Variants in PMM2 observed in about 807,000 individuals in gnomAD.
PMM2 encodes the protein phosphomannomutase 2.
Under a neutral mutation model 33.2 loss-of-function variants are expected in PMM2, and 35 were observed. The ratio of observed to expected loss-of-function variants is 1.06; its 90% CI spans 0.81 to 1.40. The LOEUF is 1.40. PMM2 is among the 40% of genes most tolerant of loss of function. The probability of loss-of-function intolerance (pLI) is 0.00; values close to 1 mark genes in which losing one functional copy is unlikely to be tolerated. For missense variants in PMM2, 386 were observed against 306.0 expected (o/e 1.26, Z -1.95); for synonymous variants, 153 against 114.7 (o/e 1.33, Z -2.13).
rs368411035 is a variant in PMM2 at position 8,847,854 on chromosome 16, C to T, written c.*29C>T. The T allele has an allele frequency of 2.6e-6, 4 of 1,549,624 alleles. No individual in the cohort carries two copies. In the East Asian group the frequency reaches 9.0e-5, roughly 35 times the overall value. ...GGGAGCGGGAGGGGCGGGGTCCCGG[C>T]TGACAAGCCAGCATAGGGCATTCGG... On this transcript the variant is annotated 3_prime_UTR_variant, in exon 8 of 8. Transcript: ENST00000268261.
At chr16:8,843,642 C>G (rs1474977715) in intron 7 of PMM2, among the ~76,000 whole-genome samples, 2 of 152,100 alleles carry the variant, frequency 1.3e-5, no homozygotes, top group Non-Finnish European at 2.9e-5. Flanking sequence ...GGGTTTGTCT[C>G]ACAGTGGAGG....
Position 8,802,174 on chromosome 16 carries a change from C to A in PMM2, c.178+264C>A. ...AGTGGCTGTATCTGCACATGATAAT[C>A]TCTCTGCCTGGAATACTTCTTGCTT... On this transcript the variant is annotated intron_variant, in intron 2 of 7. Transcript: ENST00000268261. The A allele has an allele frequency of 8.2e-6, 4 of 485,564 alleles. 1 individual carries two copies. Among genetic ancestry groups the A allele is most frequent in the South Asian group, 6.2e-5 (4 of 64,804 alleles). 30.1% of individuals were successfully genotyped at this position (485,564 alleles called of 1,614,324 possible).
At chr16:8,844,937 G>A (rs11861640) in intron 7 of PMM2, among the ~76,000 whole-genome samples, 22,607 of 152,194 alleles carry the variant, frequency 0.15, 1,747 homozygotes, top group East Asian at 0.24. Context: ...ACCTGAGGTC[G>A]TAGGTGGATC....
At chr16:8,798,913 A>G (rs1241641069) in intron 1 of PMM2, among the ~76,000 whole-genome samples, 1 of 152,144 alleles carries the variant, frequency 6.6e-6, no homozygotes, top group Non-Finnish European at 1.5e-5. Context: ...TAGACGTATC[A>G]TTTTGCCCTT....
Position 8,847,821 on chromosome 16 carries a change from C to A in PMM2, c.737C>A (p.Ser246Tyr), listed in dbSNP as rs769177253. 1.2e-6 allele frequency: 2 copies of A among 1,611,744 alleles called. No individual in the cohort carries two copies. Among genetic ancestry groups the A allele is most frequent in the Admixed American group, 3.3e-5 (2 of 60,032 alleles). The change falls in exon 8 of 8, where the codon TCC becomes TAC. Residue 246 changes from serine to tyrosine, a missense_variant. Transcript: ENST00000268261. ...CGCAGGATCTGTGAACTGCTGTTCT[C>A]CTAACGTGGGAGCGGGAGGGGCGGG... is the stretch of plus-strand genomic sequence containing the variant. ...DTRRICELLF[S>Y] is the part of the protein sequence containing the mutation.
intron 7 of PMM2, among the ~76,000 whole-genome samples, chr16:8,844,144 T>C (rs991744584): frequency 2.6e-5 from 4 of 152,128 alleles, no homozygotes; most frequent in Non-Finnish European, 5.9e-5. Context: ...TACTGTCGAG[T>C]TTGTATTGGG....
chr16:8,801,568 G>A (rs1322608300), intron 1 of PMM2, among the ~76,000 whole-genome samples: 1 of 152,164 alleles, frequency 6.6e-6, no homozygotes, highest in Admixed American at 6.5e-5. Flanking sequence ...CTACTCAGGA[G>A]GCAGAGATAG....
intron 7 of PMM2, among the ~76,000 whole-genome samples, chr16:8,844,590 G>T (rs1463671435): frequency 6.6e-6 from 1 of 152,224 alleles, no homozygotes. Context: ...TGCCGCTAAG[G>T]GTTATGGACC....
At chr16:8,810,751 A>G in intron 4 of PMM2, 1 of 368,228 alleles carries the variant, frequency 2.7e-6, no homozygotes, top group Non-Finnish European at 5.2e-6. Flanking sequence ...TATTTTTTGT[A>G]TTTTTTGTAG....
At chr16:8,835,131 G>A (rs1054929763) in intron 7 of PMM2, among the ~76,000 whole-genome samples, 59 of 148,962 alleles carry the variant, frequency 4.0e-4, no homozygotes, top group African/African-American at 1.1e-3. Flanking sequence ...AGACATGAGG[G>A]CTAGGCTAAA....
chr16:8,812,853 C>CT, intron 6 of PMM2, 138 bp from the exon 7 acceptor site: 1 of 703,288 alleles, frequency 1.4e-6, no homozygotes, highest in Non-Finnish European at 2.6e-6. Flanking sequence ...ATGAAGTAGT[C>CT]TAAGTAGCAA....
chr16:8,813,946 A>C (rs1056383269), intron 7 of PMM2, among the ~76,000 whole-genome samples: 2 of 141,256 alleles, frequency 1.4e-5, no homozygotes, highest in Admixed American at 7.8e-5. Context: ...GGCTCACTGC[A>C]ACCTCTGCCT....
intron 7 of PMM2, among the ~76,000 whole-genome samples, chr16:8,834,796 T>C (rs1357718021): frequency 6.6e-6 from 1 of 151,978 alleles, no homozygotes; most frequent in East Asian, 1.9e-4. Context: ...TCAAGCGTGA[T>C]CAGGGTGAGG....
At chr16:8,799,755 C>T (rs1268440410) in intron 1 of PMM2, among the ~76,000 whole-genome samples, 1 of 152,020 alleles carries the variant, frequency 6.6e-6, no homozygotes, top group African/African-American at 2.4e-5. Context: ...ACTGTGTTGG[C>T]CAGGATGGTC....
intron 7 of PMM2, among the ~76,000 whole-genome samples, chr16:8,815,672 A>G (rs906147909): frequency 3.9e-5 from 6 of 152,346 alleles, no homozygotes; most frequent in East Asian, 1.9e-4. Context: ...CCTTTTGGCC[A>G]TCTACCCATG....
intron 7 of PMM2, among the ~76,000 whole-genome samples, chr16:8,831,697 G>A (rs2060810821): frequency 6.6e-6 from 1 of 152,186 alleles, no homozygotes; most frequent in African/African-American, 2.4e-5. Context: ...CTGCTACACT[G>A]CACAGGTCAG....
At position 8,814,105 on chromosome 16, in the gene PMM2, G is replaced by A. The variant is rs142327662; in HGVS notation, c.639+999G>A. On this transcript the variant is annotated intron_variant, in intron 7 of 7. Transcript: ENST00000268261. ...TGGTCTCAAACCCCTGGGCTCAAGTGATCCAATCAACTCGGCCGCTCAAAG... is the reference window on the plus strand; with the variant it reads ...TGGTCTCAAACCCCTGGGCTCAAGTAATCCAATCAACTCGGCCGCTCAAAG... Among the ~76,000 whole-genome samples, 7 of 152,074 alleles carry A rather than the reference G, an allele frequency of 4.6e-5. No homozygotes were observed. The East Asian group carries it at 7.7e-4, about 17-fold the overall frequency.
chr16:8,835,552 G>A (rs1896954155), intron 7 of PMM2, among the ~76,000 whole-genome samples: 3 of 152,072 alleles, frequency 2.0e-5, no homozygotes. Flanking sequence ...TGGAGGTATT[G>A]AGGACAGGAG....
chr16:8,804,403 G>A (rs757946755), intron 2 of PMM2, among the ~76,000 whole-genome samples: 2 of 152,056 alleles, frequency 1.3e-5, no homozygotes, highest in Non-Finnish European at 2.9e-5. Context: ...TTCAGGAAGC[G>A]AGAGAGCAAA....
Sources: allele counts gnomAD v4.1 joint callset (sites outside exome capture counted in the v4.1 genomes callset), GRCh38; gene constraint gnomAD v4.1.1; transcripts MANE v1.5; gene names NCBI Gene and HGNC (gene_info 2026-07-23, HGNC 2026-07-21).